Variants in RAB31 observed in about 807,000 individuals in gnomAD.
RAB31 encodes RAB31, member RAS oncogene family.
Under a neutral mutation model 25.6 loss-of-function variants are expected in RAB31, and 21 were observed. That is an observed-to-expected ratio of 0.82 (90% CI 0.58 to 1.18). The LOEUF is 1.18. RAB31 is among the 50% of genes most tolerant of loss of function. The pLI is 0.00. For synonymous variants in RAB31, 87 were observed against 84.0 expected, an observed-to-expected ratio of 1.04 and a Z score of -0.20; for missense variants, 196 against 250.1, an observed-to-expected ratio of 0.78 and a Z score of 1.46.
intron 1 of RAB31, among the ~76,000 whole-genome samples, chr18:9,710,485 A>AT (rs2068010818): frequency 6.6e-6 from 1 of 152,136 alleles, no homozygotes; most frequent in African/African-American, 2.4e-5. Flanking sequence ...TGTGTGTAGG[A>AT]ATTTGAACTT....
intron 3 of RAB31, among the ~76,000 whole-genome samples, chr18:9,800,385 A>G (rs1180195990): frequency 6.6e-6 from 1 of 152,102 alleles, no homozygotes; most frequent in Non-Finnish European, 1.5e-5. Flanking sequence ...CAAATTTCCC[A>G]TTAAAAAACC....
chr18:9,804,088 G>A (rs1203048531), intron 3 of RAB31, among the ~76,000 whole-genome samples: 1 of 152,248 alleles, frequency 6.6e-6, no homozygotes, highest in Non-Finnish European at 1.5e-5. Flanking sequence ...GAACACAGAG[G>A]CGGCCAGAGG....
At chr18:9,859,044 A>G (rs2068833452) in intron 6 of RAB31, among the ~76,000 whole-genome samples, 184 bp from the exon 7 acceptor site, 1 of 152,158 alleles carries the variant, frequency 6.6e-6, no homozygotes, top group Non-Finnish European at 1.5e-5. Flanking sequence ...CAGCAGAACT[A>G]GGGAGGAAAG....
At chr18:9,749,136 C>T (rs1386026652) in intron 1 of RAB31, among the ~76,000 whole-genome samples, 2 of 152,152 alleles carry the variant, frequency 1.3e-5, no homozygotes, top group Non-Finnish European at 2.9e-5. Context: ...CTTGATATAC[C>T]TTGAAGCCTT....
At position 9,754,297 on chromosome 18, in the gene RAB31, T is replaced by A. The variant is rs1041221037; in HGVS notation, c.40-20981T>A. ...AGTACAGACTTTTTTCTCTTTTTTT[T>A]GAGATGGAGTCTCACTCTGTCACCC... On this transcript the variant is annotated intron_variant, in intron 1 of 6. Transcript: ENST00000578921. 2.0e-5 allele frequency among the ~76,000 whole-genome samples: 3 copies of A among 152,218 alleles called. No homozygotes were observed. In the East Asian group the frequency reaches 5.8e-4, roughly 29 times the overall value.
At chr18:9,752,381 C>T (rs572395546) in intron 1 of RAB31, among the ~76,000 whole-genome samples, 2 of 152,210 alleles carry the variant, frequency 1.3e-5, no homozygotes, top group East Asian at 1.9e-4. Context: ...CCTGCCACCA[C>T]GCCCGGCTAA....
chr18:9,858,564 T>C (rs2068830732), intron 6 of RAB31, among the ~76,000 whole-genome samples: 1 of 152,198 alleles, frequency 6.6e-6, no homozygotes, highest in African/African-American at 2.4e-5. Flanking sequence ...TGTTTAATTT[T>C]GATTTTGTGT....
intron 2 of RAB31, among the ~76,000 whole-genome samples, chr18:9,782,196 C>G (rs1224041412): frequency 6.6e-6 from 1 of 152,248 alleles, no homozygotes; most frequent in African/African-American, 2.4e-5. Flanking sequence ...ATTTATATGT[C>G]CTGCCTGGTC....
intron 1 of RAB31, among the ~76,000 whole-genome samples, chr18:9,763,703 A>G (rs1447263124): frequency 6.6e-6 from 1 of 151,938 alleles, no homozygotes; most frequent in Admixed American, 6.6e-5. Context: ...AATATCTAAT[A>G]TTGTTAGATC....
intron 2 of RAB31, among the ~76,000 whole-genome samples, chr18:9,790,133 C>A (rs568545563): frequency 1.3e-5 from 2 of 152,268 alleles, no homozygotes; most frequent in South Asian, 4.1e-4. Flanking sequence ...ATGAGGACAC[C>A]ATGATCATAC....
At chr18:9,809,264 G>A (rs939931512) in intron 3 of RAB31, among the ~76,000 whole-genome samples, 9 of 152,180 alleles carry the variant, frequency 5.9e-5, no homozygotes, top group African/African-American at 2.2e-4. Flanking sequence ...AAGAAAAGTA[G>A]GATAGAGCCA....
At chr18:9,738,392 T>TCCAGGGAAGGGAC (rs2068161222) in intron 1 of RAB31, among the ~76,000 whole-genome samples, 4 of 152,218 alleles carry the variant, frequency 2.6e-5, no homozygotes, top group African/African-American at 9.6e-5. Context: ...CCACCACCAA[T>TCCAGGGAAGGGAC]CTCCAGGGAA....
chr18:9,847,354 C>G (rs942054501), intron 6 of RAB31, among the ~76,000 whole-genome samples: 2 of 152,176 alleles, frequency 1.3e-5, no homozygotes, highest in African/African-American at 4.8e-5. Flanking sequence ...TCCGCAGAGC[C>G]CCCTCCTCCT....
At position 9,801,584 on chromosome 18, in the gene RAB31, T is replaced by G. The variant is rs752224466; in HGVS notation, c.201+9349T>G. 9.2e-5 allele frequency among the ~76,000 whole-genome samples: 14 copies of G among 152,262 alleles called. 1 individual carries two copies. The highest frequency in any genetic ancestry group is 5.9e-4 in the Admixed American group (9 of 15,282). On this transcript the variant is annotated intron_variant, in intron 3 of 6. Transcript: ENST00000578921. ...GTGTAAGCCACCGTGCCCGGCCAGATGCATGTTTTTAAAAATCTCTTAGGT... is the reference window on the plus strand; with the variant it reads ...GTGTAAGCCACCGTGCCCGGCCAGAGGCATGTTTTTAAAAATCTCTTAGGT...
At chr18:9,719,324 TATATAAATAAATAA>T (rs1568161312) in intron 1 of RAB31, among the ~76,000 whole-genome samples, 1 of 74,888 alleles carries the variant, frequency 1.3e-5, no homozygotes, top group African/African-American at 5.5e-5. Flanking sequence ...TATATATATA[TATATAAATAAATAA>T]ATTTGATCTA....
At chr18:9,842,442 G>A (rs1012027056) in intron 5 of RAB31, among the ~76,000 whole-genome samples, 1 of 152,134 alleles carries the variant, frequency 6.6e-6, no homozygotes, top group African/African-American at 2.4e-5. Flanking sequence ...AAACTCTGAG[G>A]GTTTGGGGAG....
Position 9,803,870 on chromosome 18 carries a change from C to T in RAB31, c.202-10150C>T, listed in dbSNP as rs731440. 9.4e-3 allele frequency among the ~76,000 whole-genome samples: 1,428 copies of T among 152,188 alleles called. 20 individuals carry two copies. The highest frequency in any genetic ancestry group is 0.032 in the African/African-American group (1,335 of 41,512). On this transcript the variant is annotated intron_variant, in intron 3 of 6. Transcript: ENST00000578921. ...GCCCCCAGAACTGTCGTGCCATTTG[C>T]GGGGGTTGTGTCCTGTAAGAAAATA...
chr18:9,775,038 G>A (rs2068364716), intron 1 of RAB31: 2 of 628,900 alleles, frequency 3.2e-6, no homozygotes, highest in Non-Finnish European at 5.4e-6. Context: ...TTGTATACAT[G>A]TCAGACATGT....
In RAB31 at chr18:9,860,297, C is replaced by G. The variant is rs1308493317; in HGVS notation, c.*972C>G. 7 of 152,124 alleles carry G rather than the reference C, an allele frequency of 4.6e-5. No homozygotes were observed. The highest frequency in any genetic ancestry group is 8.8e-5 in the Non-Finnish European group (6 of 67,992). 9.4% of individuals were successfully genotyped at this position (152,124 alleles called of 1,614,324 possible). A position where few individuals can be genotyped will look rare whatever the true frequency, so the allele number is the denominator to read the frequency against. Reference sequence around the variant, plus strand: ...AATAATAACAATTAATAATAGGTTACAGGAAAGCCAGCCAGAGGAAGTGTC... The same window carrying G: ...AATAATAACAATTAATAATAGGTTAGAGGAAAGCCAGCCAGAGGAAGTGTC... On this transcript the variant is annotated 3_prime_UTR_variant, in exon 7 of 7. Transcript: ENST00000578921.
Sources: allele counts gnomAD v4.1 joint callset (sites outside exome capture counted in the v4.1 genomes callset), GRCh38; gene constraint gnomAD v4.1.1; transcripts MANE v1.5; gene names NCBI Gene and HGNC (gene_info 2026-07-23, HGNC 2026-07-21).